KAZN: variants seen among roughly 807,000 people sequenced by gnomAD.
KAZN encodes the protein kazrin.
Under a neutral mutation model 87.4 loss-of-function variants are expected in KAZN, and 40 were observed. The ratio of observed to expected loss-of-function variants is 0.46; its 90% CI spans 0.36 to 0.60. KAZN has a LOEUF of 0.60. KAZN is among the 20% of genes least tolerant of loss of function. The pLI is 0.00. For missense variants in KAZN, 898 were observed against 1,073.9 expected (o/e 0.84, Z 2.29); for synonymous variants, 466 against 458.3 (o/e 1.02, Z -0.22).
intron 1 of KAZN, among the ~76,000 whole-genome samples, chr1:14,734,350 C>T (rs1643823023): frequency 1.3e-5 from 2 of 149,412 alleles, no homozygotes; most frequent in Admixed American, 1.3e-4. Flanking sequence ...GCTCTTGTTG[C>T]CCAGGAGTGC....
chr1:14,155,377 TCTC>T (rs1339442655), intron 1 of KAZN, among the ~76,000 whole-genome samples: 1 of 152,196 alleles, frequency 6.6e-6, no homozygotes, highest in Non-Finnish European at 1.5e-5. Context: ...AGTTGTAACA[TCTC>T]CTTTTTAATC....
rs75312305 is a variant in KAZN, at chr1:14,506,524, G to A, written c.250-92459G>A. 1.2e-4 allele frequency among the ~76,000 whole-genome samples: 18 copies of A among 152,242 alleles called. No individual in the cohort carries two copies. The East Asian group carries it at 3.3e-3, about 28-fold the overall frequency. ...GAGCCCCAAATCGCAGTTCTGCTGC[G>A]CACTCACCTGTAACCTCGAGCAAAT... On this transcript the variant is annotated intron_variant, in intron 2 of 16. Transcript: ENST00000636203.
chr1:14,455,383 C>T (rs896006762), intron 2 of KAZN, among the ~76,000 whole-genome samples: 2 of 152,180 alleles, frequency 1.3e-5, no homozygotes, highest in African/African-American at 4.8e-5. Flanking sequence ...AATTCCCCAG[C>T]TCTTCTGGAA....
chr1:14,160,596 C>G (rs142441659), intron 1 of KAZN, among the ~76,000 whole-genome samples: 60 of 152,232 alleles, frequency 3.9e-4, no homozygotes, highest in African/African-American at 1.4e-3. Flanking sequence ...TATGAAGGTG[C>G]TTTTTTTGTG....
chr1:14,084,120 G>T (rs1434748414), intron 1 of KAZN, among the ~76,000 whole-genome samples: 1 of 152,246 alleles, frequency 6.6e-6, no homozygotes, highest in African/African-American at 2.4e-5. Flanking sequence ...GGAGGGAGGT[G>T]ATGGTGGATT....
chr1:14,645,057 C>T (rs184954884), intron 1 of KAZN, among the ~76,000 whole-genome samples: 11 of 152,214 alleles, frequency 7.2e-5, no homozygotes, highest in East Asian at 3.9e-4. Flanking sequence ...TTTATTGAAT[C>T]GGGAGTCTTT....
chr1:14,766,384 G>A (rs959649463), intron 1 of KAZN, among the ~76,000 whole-genome samples: 1 of 152,032 alleles, frequency 6.6e-6, no homozygotes, highest in African/African-American at 2.4e-5. Flanking sequence ...CTGCCCCAGA[G>A]GCTGGGAAAA....
At chr1:14,487,463 A>G (rs1308462495) in intron 2 of KAZN, among the ~76,000 whole-genome samples, 3 of 152,294 alleles carry the variant, frequency 2.0e-5, no homozygotes, top group East Asian at 3.9e-4. Context: ...AAAGTCACCA[A>G]TGTCACAGCC....
At chr1:14,779,194 T>C (rs1343035016) in intron 1 of KAZN, among the ~76,000 whole-genome samples, 1 of 152,206 alleles carries the variant, frequency 6.6e-6, no homozygotes, top group African/African-American at 2.4e-5. Context: ...CGAAAGACCA[T>C]GTGCCATGGA....
intron 1 of KAZN, among the ~76,000 whole-genome samples, chr1:14,893,456 G>A (rs1654937358): frequency 6.6e-6 from 1 of 152,222 alleles, no homozygotes; most frequent in Non-Finnish European, 1.5e-5. Context: ...AGAGAAGTAG[G>A]TCACGGGGGC....
chr1:13,955,928 G>A (rs979279569), intron 1 of KAZN, among the ~76,000 whole-genome samples: 1 of 152,140 alleles, frequency 6.6e-6, no homozygotes, highest in South Asian at 2.1e-4. Context: ...TGATTGTAGA[G>A]TCACGCCAGT....
chr1:14,627,929 C>A (rs1048248728), intron 1 of KAZN, among the ~76,000 whole-genome samples: 21 of 152,160 alleles, frequency 1.4e-4, no homozygotes, highest in African/African-American at 4.8e-4. Flanking sequence ...ACGTGTGAAT[C>A]ACAGATGTTT....
At chr1:14,576,217 A>T (rs894846932) in intron 2 of KAZN, among the ~76,000 whole-genome samples, 1 of 152,228 alleles carries the variant, frequency 6.6e-6, no homozygotes, top group Non-Finnish European at 1.5e-5. Flanking sequence ...TATAGTAAGG[A>T]CTAAAAGAGG....
intron 1 of KAZN, among the ~76,000 whole-genome samples, chr1:14,018,364 T>C (rs1640666461): frequency 6.6e-6 from 1 of 152,136 alleles, no homozygotes; most frequent in Admixed American, 6.5e-5. Context: ...GAAGACAGGG[T>C]ACGGGGGAGA....
At chr1:14,455,721 G>A (rs1557733241) in intron 2 of KAZN, among the ~76,000 whole-genome samples, 1 of 152,142 alleles carries the variant, frequency 6.6e-6, no homozygotes, top group South Asian at 2.1e-4. Context: ...TGCCCCTTCA[G>A]AAATAAGCTT....
Position 14,199,534 on chromosome 1 carries a change from G to T in KAZN, c.249+18942G>T, listed in dbSNP as rs80186991. ...GGCTCAAGGACTTGTGGAATTCGTC[G>T]CTGGGTTGCACCCTCCTTGAGTGCA... On this transcript the variant is annotated intron_variant, in intron 2 of 16. Coordinates refer to the KAZN transcript ENST00000636203. Among the ~76,000 whole-genome samples the T allele has an allele frequency of 8.1e-4, 123 of 152,278 alleles. 1 individual carries two copies. The highest frequency in any genetic ancestry group is 1.3e-3 in the Non-Finnish European group (86 of 68,038).
intron 2 of KAZN, among the ~76,000 whole-genome samples, chr1:14,528,702 T>A (rs894315500): frequency 3.6e-5 from 5 of 140,438 alleles, no homozygotes; most frequent in African/African-American, 1.4e-4. Context: ...TGGGCCATGA[T>A]GGTGCCACTG....
At chr1:14,467,633 A>C (rs1668236634) in intron 2 of KAZN, among the ~76,000 whole-genome samples, 1 of 151,538 alleles carries the variant, frequency 6.6e-6, no homozygotes, top group African/African-American at 2.4e-5. Context: ...GCATTAATAA[A>C]AAGATGGAAA....
At chr1:13,901,001 C>G (rs1287486065) in intron 1 of KAZN, among the ~76,000 whole-genome samples, 1 of 147,480 alleles carries the variant, frequency 6.8e-6, no homozygotes, top group Admixed American at 6.8e-5. Context: ...GTCTTCCTGA[C>G]AAGTAAAAAA....
Sources: gnomAD v4.1 joint callset for allele counts (sites outside exome capture counted in the v4.1 genomes callset) on GRCh38, gnomAD v4.1.1 for gene constraint, MANE v1.5 for transcripts, NCBI Gene and HGNC (gene_info 2026-07-23, HGNC 2026-07-21) for gene names.